SAMD5: variants seen among roughly 807,000 people sequenced by gnomAD.
SAMD5 encodes the protein sterile alpha motif domain containing 5, also known as sterile alpha motif domain-containing protein 5.
Under a neutral mutation model 11.3 loss-of-function variants are expected in SAMD5, and 13 were observed. That is an observed-to-expected ratio of 1.15 (90% CI 0.75 to 1.83). The LOEUF (loss-of-function observed/expected upper bound fraction) is 1.83, where lower values mean the gene tolerates loss of function less well. Among genes scored for constraint, SAMD5 ranks in the 40% most tolerant of loss-of-function variants. The pLI is 0.00. For missense variants in SAMD5, 255 were observed against 239.1 expected (o/e 1.07, Z -0.44); for synonymous variants, 129 against 111.3 (o/e 1.16, Z -1.00).
In SAMD5 at chr6:147,555,557, T is replaced by A. The variant is rs572464985; in HGVS notation, c.460-8837T>A. 1.2e-4 allele frequency among the ~76,000 whole-genome samples: 18 copies of A among 152,330 alleles called. No individual in the cohort carries two copies. In the South Asian group the frequency reaches 3.5e-3, roughly 30 times the overall value. ...TTGATTAGGCTACCTTGGGTGGTGA[T>A]ATTAACACATGGAATTTTTAAAATA... On this transcript the variant is annotated intron_variant, in intron 1 of 1. Coordinates refer to ENST00000367474, the MANE Select transcript of SAMD5 (RefSeq NM_001030060.3).
At chr6:147,785,957 A>G in the SAMD5 span, among the ~76,000 whole-genome samples, 1 of 152,200 alleles carries the variant, frequency 6.6e-6, no homozygotes, top group Non-Finnish European at 1.5e-5. Context: ...GCTACATGGA[A>G]TTCTCCTGGC....
intron 1 of SAMD5, among the ~76,000 whole-genome samples, chr6:147,685,458 C>A (rs1790995851): frequency 6.6e-6 from 1 of 152,164 alleles, no homozygotes; most frequent in Non-Finnish European, 1.5e-5. Flanking sequence ...TAGGCATGAG[C>A]CGCTACACCC....
rs1002400593 is a variant in SAMD5, at chr6:147,686,053, A to G, written c.163-51264A>G. Among the ~76,000 whole-genome samples, 3 of 152,244 alleles carry G rather than the reference A, an allele frequency of 2.0e-5. No individual in the cohort carries two copies. The East Asian group carries it at 5.8e-4, about 29-fold the overall frequency. On this transcript the variant is annotated intron_variant, in intron 1 of 1. Coordinates refer to the SAMD5 transcript ENST00000566741. ...AAATTTGTGTATATCAAAGCCATGC[A>G]AAATGTGGACTACCTGTATTTATTG... is the stretch of plus-strand genomic sequence containing the variant.
At position 147,725,742 on chromosome 6, in the gene SAMD5, A is replaced by G. The variant is rs148295012; in HGVS notation, c.163-11575A>G. 6.8e-3 allele frequency among the ~76,000 whole-genome samples: 1,042 copies of G among 152,186 alleles called. 9 individuals are homozygous for G. Among genetic ancestry groups the G allele is most frequent in the African/African-American group, 0.022 (911 of 41,496 alleles). ...AGAATATTGAAGTGGCTGTTGTCTCATTGCCTGCTTCCTGGGAATATTATG... is the reference window on the plus strand; with the variant it reads ...AGAATATTGAAGTGGCTGTTGTCTCGTTGCCTGCTTCCTGGGAATATTATG... On this transcript the variant is annotated intron_variant, in intron 1 of 1. Coordinates refer to the SAMD5 transcript ENST00000566741.
chr6:147,744,028 C>T, the SAMD5 span, among the ~76,000 whole-genome samples: 1 of 152,220 alleles, frequency 6.6e-6, no homozygotes, highest in Non-Finnish European at 1.5e-5. Context: ...AGGCTTAATA[C>T]CCTGCTCAGA....
At chr6:147,515,176 G>GTTTTTTTTTTTTT (rs71031029) in intron 1 of SAMD5, among the ~76,000 whole-genome samples, 6 of 75,036 alleles carry the variant, frequency 8.0e-5, no homozygotes, top group Admixed American at 1.9e-4. Flanking sequence ...ATCCTTCCAG[G>GTTTTTTTTTTTTT]TTTTTTTTTT....
chr6:147,697,809 G>A lies in SAMD5; in HGVS notation c.163-39508G>A, dbSNP rs1791197519. Among the ~76,000 whole-genome samples the A allele has an allele frequency of 1.3e-5, 2 of 152,138 alleles. 1 individual carries two copies. Among genetic ancestry groups the A allele is most frequent in the South Asian group, 4.1e-4 (2 of 4,830 alleles). On this transcript the variant is annotated intron_variant, in intron 1 of 1. Transcript: ENST00000566741. The stretch of plus-strand genomic sequence containing the variant: ...CTTTACTTGAGAGGCCTGAAGATCA[G>A]TTCCTGCGGATGGAACTCAGATAAA...
intron 1 of SAMD5, among the ~76,000 whole-genome samples, chr6:147,582,313 G>A (rs1396350838): frequency 1.4e-5 from 2 of 141,948 alleles, no homozygotes; most frequent in Non-Finnish European, 3.1e-5. Context: ...GTTGCAATGA[G>A]CTGAGATCCG....
chr6:147,593,821 G>A (rs1789490745), intron 1 of SAMD5, among the ~76,000 whole-genome samples: 1 of 152,072 alleles, frequency 6.6e-6, no homozygotes, highest in Non-Finnish European at 1.5e-5. Flanking sequence ...TCATCCCCAT[G>A]AAAGTAAAAT....
At chr6:147,861,923 G>A in the SAMD5 span, among the ~76,000 whole-genome samples, 5 of 152,130 alleles carry the variant, frequency 3.3e-5, no homozygotes, top group Admixed American at 1.3e-4. Context: ...TGAGCATAGC[G>A]CCTTGCACAT....
At chr6:147,878,616 T>TATACATATCTATATATG in the SAMD5 span, among the ~76,000 whole-genome samples, 1 of 146,654 alleles carries the variant, frequency 6.8e-6, no homozygotes, top group Non-Finnish European at 1.5e-5. Flanking sequence ...TATATAGATA[T>TATACATATCTATATATG]ATATGTATAT....
At chr6:147,932,565 G>C in the SAMD5 span, among the ~76,000 whole-genome samples, 1 of 150,604 alleles carries the variant, frequency 6.6e-6, no homozygotes, top group African/African-American at 2.4e-5. Flanking sequence ...ACTGAAAATA[G>C]AGCTGTGTCA....
intron 1 of SAMD5, among the ~76,000 whole-genome samples, chr6:147,612,398 A>G (rs1003387881): frequency 5.3e-5 from 8 of 152,174 alleles, no homozygotes; most frequent in African/African-American, 1.4e-4. Context: ...TTTCAATAAG[A>G]CTTTTAAATC....
chr6:147,632,555 G>T (rs531378490), intron 1 of SAMD5, among the ~76,000 whole-genome samples: 1 of 152,152 alleles, frequency 6.6e-6, no homozygotes, highest in East Asian at 1.9e-4. Flanking sequence ...GCCTCTAAAA[G>T]TATTAAGGCA....
At chr6:147,749,954 C>T in the SAMD5 span, among the ~76,000 whole-genome samples, 1 of 152,116 alleles carries the variant, frequency 6.6e-6, no homozygotes, top group African/African-American at 2.4e-5. Context: ...GTCATTCAGA[C>T]TTTTGATAAA....
At chr6:147,547,330 C>T (rs1274210586) in intron 1 of SAMD5, among the ~76,000 whole-genome samples, 1 of 152,168 alleles carries the variant, frequency 6.6e-6, no homozygotes, top group Non-Finnish European at 1.5e-5. Flanking sequence ...TGCAGAAAGC[C>T]AAAATTAAGG....
At chr6:147,538,528 A>G (rs997746023) in intron 1 of SAMD5, among the ~76,000 whole-genome samples, 1 of 152,214 alleles carries the variant, frequency 6.6e-6, no homozygotes. Context: ...AAAACTTGAT[A>G]AGTAAGTGAT....
chr6:147,762,977 C>T, the SAMD5 span, among the ~76,000 whole-genome samples: 1 of 151,958 alleles, frequency 6.6e-6, no homozygotes, highest in Non-Finnish European at 1.5e-5. Flanking sequence ...GGAATCATAG[C>T]TACCTTTTTG....
the SAMD5 span, among the ~76,000 whole-genome samples, chr6:147,907,902 G>T: frequency 2.0e-5 from 3 of 152,142 alleles, no homozygotes. Flanking sequence ...GAGTTTTAAA[G>T]CTGATAACCT....
Sources: gnomAD v4.1 joint callset for allele counts (sites outside exome capture counted in the v4.1 genomes callset) on GRCh38, gnomAD v4.1.1 for gene constraint, MANE v1.5 for transcripts, NCBI Gene and HGNC (gene_info 2026-07-23, HGNC 2026-07-21) for gene names.